Variants in NBEAL1 observed in about 807,000 individuals in gnomAD.
NBEAL1 encodes the protein neurobeachin-like protein 1.
In NBEAL1, 273 loss-of-function variants were observed where a neutral mutation model predicts 351.3. The observed-to-expected ratio is 0.78, with a 90% CI of 0.70 to 0.86. The LOEUF (loss-of-function observed/expected upper bound fraction) is 0.86. Among genes scored for constraint, NBEAL1 ranks in the 40% least tolerant of loss-of-function variants. The pLI is 0.00. For synonymous variants in NBEAL1, 1,050 were observed against 1,086.4 expected, an observed-to-expected ratio of 0.97 and a Z score of 0.66; for missense variants, 2,961 against 3,201.3, an observed-to-expected ratio of 0.92 and a Z score of 1.81.
chr2:203,128,730 T>C (rs963104177), intron 24 of NBEAL1, among the ~76,000 whole-genome samples: 1 of 151,776 alleles, frequency 6.6e-6, no homozygotes, highest in Non-Finnish European at 1.5e-5. Flanking sequence ...CCCGAGTAGC[T>C]GGGACTACAG....
rs745369837 is a variant in NBEAL1, at chr2:203,041,826, T to C, written c.113T>C (p.Leu38Ser). ...TTTGTTTCTAGCTATGAACAATTTT[T>C]AGACGTTGACTTTGAAAAGCTGCCT... ...DTFVSSYEQFLDVDFEKLPTR... is the reference protein window; with the variant it reads ...DTFVSSYEQFSDVDFEKLPTR... Residue 38 changes from leucine to serine, a missense_variant, in exon 3 of 56, where the codon TTA becomes TCA. By Grantham distance (145) the Leu-to-Ser change is moderately radical. Transcript: ENST00000683969. The C allele has an allele frequency of 1.9e-6, 3 of 1,553,960 alleles. No homozygotes were observed. Among genetic ancestry groups the C allele is most frequent in the Non-Finnish European group, 1.7e-6 (2 of 1,147,592 alleles).
rs1445080871 is a variant in NBEAL1 at position 203,207,071 on chromosome 2, G to A, written c.7507-1566G>A. On this transcript the variant is annotated intron_variant, in intron 51 of 55. Coordinates refer to ENST00000683969, the MANE Select transcript of NBEAL1 (RefSeq NM_001378026.1). Reference sequence around the variant, plus strand: ...ATGTGGGGAGCGCCTCTGCCCTGTCGCCCCGTCCGGGATGTGAGGAGCGTC... The same window carrying A: ...ATGTGGGGAGCGCCTCTGCCCTGTCACCCCGTCCGGGATGTGAGGAGCGTC... Among the ~76,000 whole-genome samples the A allele has an allele frequency of 3.4e-5, 5 of 148,940 alleles. No individual in the cohort carries two copies. In the East Asian group the frequency reaches 1.0e-3, roughly 30 times the overall value.
chr2:203,039,189 TCTTTCCTTTC>T (rs1313349603), intron 2 of NBEAL1, among the ~76,000 whole-genome samples: 4 of 115,986 alleles, frequency 3.4e-5, no homozygotes, highest in African/African-American at 5.9e-5. Context: ...CCTTTCCTTT[TCTTTCCTTTC>T]CTTTCCTTTC....
intron 14 of NBEAL1, among the ~76,000 whole-genome samples, chr2:203,108,390 G>A (rs1293359286): frequency 1.1e-5 from 1 of 89,246 alleles, no homozygotes; most frequent in Non-Finnish European, 2.3e-5. Flanking sequence ...AAATATTGCT[G>A]GTTAAGTTTT....
In NBEAL1 at chr2:203,214,722, C is replaced by T. The variant is rs563405172; in HGVS notation, c.8070+1069C>T. Among the ~76,000 whole-genome samples, 40 of 152,250 alleles carry T rather than the reference C, an allele frequency of 2.6e-4. No homozygotes were observed. In the South Asian group the frequency reaches 6.6e-3, roughly 25 times the overall value. ...CCTGGGAATTGGAGGTTGCAGTGAG[C>T]GGATATCGTGCTGCTGCACTCCAGC... On this transcript the variant is annotated intron_variant, in intron 55 of 55. Coordinates refer to ENST00000683969, the MANE Select transcript of NBEAL1 (RefSeq NM_001378026.1).
At chr2:203,207,784 G>T (rs185913505) in intron 51 of NBEAL1, among the ~76,000 whole-genome samples, 1 of 152,210 alleles carries the variant, frequency 6.6e-6, no homozygotes, top group African/African-American at 2.4e-5. Context: ...GCGGAAGGCC[G>T]CAGGGTCCTC....
chr2:203,175,125 CT>C, intron 41 of NBEAL1, 21 bp from the exon 42 acceptor site: 1 of 1,596,156 alleles, frequency 6.3e-7, no homozygotes, highest in Non-Finnish European at 8.6e-7. Context: ...GGTTTTAAAA[CT>C]TTAGGATTTT....
chr2:203,171,441 C>T (rs1166263720), intron 39 of NBEAL1, among the ~76,000 whole-genome samples: 1 of 151,974 alleles, frequency 6.6e-6, no homozygotes, highest in Non-Finnish European at 1.5e-5. Context: ...CTCATCTCTA[C>T]AAATAGTTTA....
intron 39 of NBEAL1, among the ~76,000 whole-genome samples, chr2:203,171,648 A>T (rs2064321541): frequency 6.8e-6 from 1 of 147,026 alleles, no homozygotes; most frequent in African/African-American, 2.5e-5. Flanking sequence ...AGGTATTCAA[A>T]TAAAACATGT....
chr2:203,160,430 C>T (rs1214056410), intron 36 of NBEAL1, among the ~76,000 whole-genome samples: 2 of 152,046 alleles, frequency 1.3e-5, no homozygotes, highest in South Asian at 4.1e-4. Context: ...TTGATAGTCT[C>T]TATTTGATGA....
chr2:203,084,352 AC>A (rs1269840697), intron 9 of NBEAL1, 110 bp from the exon 10 acceptor site: 4 of 489,992 alleles, frequency 8.2e-6, no homozygotes, highest in Middle Eastern at 5.3e-4. Context: ...TTTTAAAAAT[AC>A]TGAACATCAA....
chr2:203,122,383 T>C, intron 19 of NBEAL1, 40 bp downstream of exon 19: 1 of 1,210,768 alleles, frequency 8.3e-7, no homozygotes, highest in African/African-American at 1.5e-5. Context: ...CTTACATAAT[T>C]TACTGATACT....
intron 49 of NBEAL1, 34 bp downstream of exon 49, chr2:203,199,481 T>G (rs750282097): frequency 9.9e-7 from 1 of 1,007,158 alleles, no homozygotes; most frequent in Non-Finnish European, 1.5e-6. Flanking sequence ...AAAATAGCTA[T>G]ACCAGATACC....
In NBEAL1 at chr2:203,058,381, A is replaced by G. The variant is rs76390991; in HGVS notation, c.515+928A>G. Among the ~76,000 whole-genome samples, 93 of 152,288 alleles carry G rather than the reference A, an allele frequency of 6.1e-4. No homozygotes were observed. In the East Asian group the frequency reaches 0.015, roughly 24 times the overall value. On this transcript the variant is annotated intron_variant, in intron 6 of 55. Transcript: ENST00000683969. Reference sequence around the variant, plus strand: ...GAGGATCTAATACAAGGAAATTGATAAATATTAGAGAATTGACAAAGCAAA... The same window carrying G: ...GAGGATCTAATACAAGGAAATTGATGAATATTAGAGAATTGACAAAGCAAA...
rs1294872482 is a variant in NBEAL1 at position 203,220,254 on chromosome 2, G to A, written c.*2900G>A. Among the ~76,000 whole-genome samples, 2 of 152,114 alleles carry A rather than the reference G, an allele frequency of 1.3e-5. No individual in the cohort carries two copies. The highest frequency in any genetic ancestry group is 1.5e-5 in the Non-Finnish European group (1 of 68,012). The stretch of plus-strand genomic sequence containing the variant: ...TAATCCCAGCTCTTTGGGAGGCCGA[G>A]GTGGGCGGATCACAAGGTCAGGAGT... On this transcript the variant is annotated 3_prime_UTR_variant, in exon 56 of 56. Transcript: ENST00000683969.
rs745894892 is a variant in NBEAL1 at position 203,138,701 on chromosome 2, A to C, written c.4801A>C (p.Ile1601Leu). The change falls in exon 31 of 56, where the codon ATT (isoleucine) becomes CTT (leucine). Residue 1601 changes from isoleucine to leucine, a missense_variant. Physicochemically the swap from Ile to Leu is conservative, Grantham distance 5 (BLOSUM62 2). Transcript: ENST00000683969. ...TCCAGTATGGGTAAAACTCTCTCAA[A>C]TTCAGATCCAGTTGCTTCTAGGATT... ...ESPVWVKLSQ[I>L]QIQLLLGFIG... 3.2e-5 allele frequency: 51 copies of C among 1,613,118 alleles called. No individual in the cohort carries two copies. The highest frequency in any genetic ancestry group is 8.4e-5 in the Admixed American group (5 of 59,846).
chr2:203,077,232 T>C (rs917996176), intron 7 of NBEAL1, among the ~76,000 whole-genome samples: 1 of 151,766 alleles, frequency 6.6e-6, no homozygotes, highest in Non-Finnish European at 1.5e-5. Context: ...TAGCTGGGCG[T>C]GGTGGCAGGT....
intron 55 of NBEAL1, among the ~76,000 whole-genome samples, chr2:203,214,632 G>A (rs888604236): frequency 6.6e-5 from 10 of 152,156 alleles, no homozygotes; most frequent in Non-Finnish European, 1.5e-4. Context: ...AAAATTAGCC[G>A]GGTGTGGTGG....
intron 35 of NBEAL1, among the ~76,000 whole-genome samples, chr2:203,156,093 G>C (rs1559412554): frequency 6.6e-6 from 1 of 152,044 alleles, no homozygotes; most frequent in African/African-American, 2.4e-5. Context: ...CCTTACCCTA[G>C]TTTCTACTTC....
Sources: gnomAD v4.1 joint callset for allele counts (sites outside exome capture counted in the v4.1 genomes callset) on GRCh38, gnomAD v4.1.1 for gene constraint, MANE v1.5 for transcripts, NCBI Gene and HGNC (gene_info 2026-07-23, HGNC 2026-07-21) for gene names.